Variants in PROK1 observed in about 807,000 individuals in gnomAD.
PROK1 encodes the protein prokineticin 1, also known as prokineticin-1.
Under a neutral mutation model 8.8 loss-of-function variants are expected in PROK1, and 10 were observed. The observed-to-expected ratio is 1.13, with a 90% CI of 0.70 to 1.92. The LOEUF (loss-of-function observed/expected upper bound fraction) is 1.92, where lower values mean the gene tolerates loss of function less well. Among genes scored for constraint, PROK1 ranks in the 30% most tolerant of loss-of-function variants. The pLI, the probability that PROK1 is intolerant of heterozygous loss-of-function variation, is 0.00. For synonymous variants in PROK1, 57 were observed against 56.0 expected (o/e 1.02, Z -0.08); for missense variants, 140 against 139.7 (o/e 1.00, Z -0.01).
intron 1 of PROK1, among the ~76,000 whole-genome samples, chr1:110,452,390 T>C (rs534030711): frequency 2.8e-4 from 42 of 152,314 alleles, no homozygotes; most frequent in African/African-American, 9.6e-4. Context: ...AATGAAGTGT[T>C]TACACTGTAG....
At position 110,451,247 on chromosome 1, in the gene PROK1, C is replaced by T. The variant is rs1664085301; in HGVS notation, c.31C>T (p.Leu11Phe). 4 of 1,614,176 alleles carry T rather than the reference C, an allele frequency of 2.5e-6. No individual in the cohort carries two copies. Among genetic ancestry groups the T allele is most frequent in the East Asian group, 4.5e-5 (2 of 44,890 alleles). ...AGGTGCCACGCGAGTCTCAATCATG[C>T]TCCTCCTAGTAACTGTGTCTGACTG... MRGATRVSIM[L>F]LLVTVSDCAV... The change falls in exon 1 of 3, where the codon CTC becomes TTC. Residue 11 changes from leucine (L) to phenylalanine (F), a missense_variant. Physicochemically the swap from Leu to Phe is conservative, Grantham distance 22 (BLOSUM62 0). Transcript: ENST00000271331.
rs559326098 is a variant in PROK1 at position 110,454,095 on chromosome 1, C to A, written c.198+9C>A. The A allele has an allele frequency of 1.2e-6, 2 of 1,613,046 alleles. No individual in the cohort carries two copies. The highest frequency in any genetic ancestry group is 1.7e-6 in the Non-Finnish European group (2 of 1,179,910). ...ACCCCGGCAGCCACAAGGTACTCTG[C>A]AGACACTGCATAGGTGCACATATGT... is the stretch of plus-strand genomic sequence containing the variant. On this transcript the variant is annotated intron_variant, in intron 2 of 2. Coordinates refer to ENST00000271331, the MANE Select transcript of PROK1 (RefSeq NM_032414.3).
Position 110,451,906 on chromosome 1 carries a change from GA to G in PROK1, c.72+619del, listed in dbSNP as rs755131582. On this transcript the variant is annotated intron_variant, in intron 1 of 2. Coordinates refer to ENST00000271331, the MANE Select transcript of PROK1 (RefSeq NM_032414.3). ...AAAGCAAGCATCCAGATAACAAGTA[GA>G]TATCCAGTCTCGAAGCAGAGAAGCA... Among the ~76,000 whole-genome samples the G allele has an allele frequency of 4.3e-3, 658 of 152,306 alleles. 5 individuals are homozygous for G. Among genetic ancestry groups the G allele is most frequent in the Middle Eastern group, 6.8e-3 (2 of 294 alleles).
At chr1:110,455,793 A>G (rs1664162712) in intron 2 of PROK1, among the ~76,000 whole-genome samples, 1 of 152,216 alleles carries the variant, frequency 6.6e-6, no homozygotes, top group Admixed American at 6.5e-5. Context: ...CTCCCTGAGG[A>G]TACCCCATTG....
rs890721039 is a variant in PROK1, at chr1:110,456,370, G to T, written c.*19G>T. On this transcript the variant is annotated 3_prime_UTR_variant, in exon 3 of 3. Transcript: ENST00000271331. ...TTTTTAGGCGCTTGCCTGGTCTCAGGATACCCACCATCCTTTTCCTGAGCA... is the reference window on the plus strand; with the variant it reads ...TTTTTAGGCGCTTGCCTGGTCTCAGTATACCCACCATCCTTTTCCTGAGCA... The T allele has an allele frequency of 1.2e-6, 2 of 1,613,398 alleles. No individual in the cohort carries two copies. The highest frequency in any genetic ancestry group is 1.7e-6 in the Non-Finnish European group (2 of 1,180,006).
chr1:110,452,019 C>G (rs906990524), intron 1 of PROK1, among the ~76,000 whole-genome samples: 6 of 152,330 alleles, frequency 3.9e-5, no homozygotes, highest in Admixed American at 3.3e-4. Context: ...CCTCAAACCA[C>G]CTTCAAATAG....
intron 1 of PROK1, among the ~76,000 whole-genome samples, chr1:110,453,719 G>T (rs1664125273): frequency 6.6e-6 from 1 of 152,190 alleles, no homozygotes; most frequent in Admixed American, 6.5e-5. Flanking sequence ...CTTCTGAGTG[G>T]CCTCCAGGAG....
At chr1:110,454,360 A>T (rs2101150116) in intron 2 of PROK1, among the ~76,000 whole-genome samples, 1 of 152,356 alleles carries the variant, frequency 6.6e-6, no homozygotes, top group South Asian at 2.1e-4. Flanking sequence ...TGCCCTGCAG[A>T]TGACACATTT....
At chr1:110,454,926 A>G (rs1006767662) in intron 2 of PROK1, among the ~76,000 whole-genome samples, 2 of 152,118 alleles carry the variant, frequency 1.3e-5, no homozygotes, top group Non-Finnish European at 2.9e-5. Context: ...TGAGGTGCCC[A>G]CTTTAAGAAG....
intron 1 of PROK1, among the ~76,000 whole-genome samples, chr1:110,452,028 A>G (rs1174983680): frequency 2.6e-5 from 4 of 152,186 alleles, no homozygotes; most frequent in Non-Finnish European, 4.4e-5. Flanking sequence ...ACCTTCAAAT[A>G]GGGGCACATG....
chr1:110,451,431 G>T (rs1664088249), intron 1 of PROK1, 143 bp downstream of exon 1: 2 of 751,124 alleles, frequency 2.7e-6, no homozygotes, highest in Non-Finnish European at 4.7e-6. Context: ...TGCATTAAAG[G>T]GATTGCATGC....
In PROK1 at chr1:110,456,284, T is replaced by G. The variant is rs569785372; in HGVS notation, c.251T>G (p.Leu84Arg). The G allele has an allele frequency of 9.9e-6, 16 of 1,614,056 alleles. No homozygotes were observed. Among genetic ancestry groups the G allele is most frequent in the East Asian group, 8.9e-5 (4 of 44,874 alleles). The change falls in exon 3 of 3, where the codon CTG becomes CGG. Residue 84 changes from leucine to arginine, a missense_variant. Coordinates refer to ENST00000271331, the MANE Select transcript of PROK1 (RefSeq NM_032414.3). ...KHHTCPCLPNLLCSRFPDGRY... is the reference protein window; with the variant it reads ...KHHTCPCLPNRLCSRFPDGRY... ...CACACCTGTCCTTGCTTGCCCAACC[T>G]GCTGTGCTCCAGGTTCCCGGACGGC...
chr1:110,453,907 C>G, intron 1 of PROK1, 54 bp from the exon 2 acceptor site: 1 of 1,612,594 alleles, frequency 6.2e-7, no homozygotes, highest in South Asian at 1.1e-5. Flanking sequence ...CCCTTCCCTT[C>G]TGCTTTCTCT....
rs750913372 is a variant in PROK1 at position 110,451,892 on chromosome 1, C to A, written c.72+604C>A. 4.3e-3 allele frequency among the ~76,000 whole-genome samples: 659 copies of A among 152,250 alleles called. 5 individuals carry two copies. Among genetic ancestry groups the A allele is most frequent in the Middle Eastern group, 6.8e-3 (2 of 294 alleles). ...GCTGAGTGTACCCCAAAGCAAGCAT[C>A]CAGATAACAAGTAGATATCCAGTCT... On this transcript the variant is annotated intron_variant, in intron 1 of 2. Coordinates refer to ENST00000271331, the MANE Select transcript of PROK1 (RefSeq NM_032414.3).
Position 110,451,266 on chromosome 1 carries a change from C to G in PROK1, c.50C>G (p.Ser17Cys). ...ATCATGCTCCTCCTAGTAACTGTGT[C>G]TGACTGTGCTGTGATCACAGGGGTA... ...VSIMLLLVTV[S>C]DCAVITGACE... Residue 17 changes from serine to cysteine, a missense_variant, in exon 1 of 3, where the codon TCT becomes TGT. By Grantham distance (112) the Ser-to-Cys change is moderately radical. Coordinates refer to ENST00000271331, the MANE Select transcript of PROK1 (RefSeq NM_032414.3). The G allele has an allele frequency of 6.2e-7, 1 of 1,614,146 alleles. No individual in the cohort carries two copies. Among genetic ancestry groups the G allele is most frequent in the African/African-American group, 1.3e-5 (1 of 75,052 alleles).
intron 2 of PROK1, 47 bp downstream of exon 2, chr1:110,454,133 C>A (rs565581756): frequency 1.3e-6 from 2 of 1,599,044 alleles, no homozygotes; most frequent in South Asian, 2.2e-5. Flanking sequence ...GTGGGCCATG[C>A]GGGGAGCAGA....
In PROK1 at chr1:110,451,245, T is replaced by TG. The variant is rs1283766105; in HGVS notation, c.30dup (p.Leu11AlafsTer8). 6.2e-7 allele frequency: 1 copy of TG among 1,614,090 alleles called. No homozygotes were observed. The highest frequency in any genetic ancestry group is 1.7e-5 in the Admixed American group (1 of 59,998). ...AGAGGTGCCACGCGAGTCTCAATCATGCTCCTCCTAGTAACTGTGTCTGAC... is the reference window on the plus strand; with the variant it reads ...AGAGGTGCCACGCGAGTCTCAATCATGGCTCCTCCTAGTAACTGTGTCTGAC... On this transcript the variant is annotated frameshift_variant, in exon 1 of 3. Coordinates refer to ENST00000271331, the MANE Select transcript of PROK1 (RefSeq NM_032414.3). LOFTEE classifies it high-confidence loss of function.
Position 110,456,488 on chromosome 1 carries a change from A to T in PROK1, c.*137A>T. On this transcript the variant is annotated 3_prime_UTR_variant, in exon 3 of 3. Transcript: ENST00000271331. Reference sequence around the variant, plus strand: ...CCCTGATCTCTCTTGTCTAGTACGCACATATGCACACAGGCAGACATACCT... The same window carrying T: ...CCCTGATCTCTCTTGTCTAGTACGCTCATATGCACACAGGCAGACATACCT... 1 of 1,055,616 alleles carries T rather than the reference A, an allele frequency of 9.5e-7. No homozygotes were observed. Among genetic ancestry groups the T allele is most frequent in the South Asian group, 1.3e-5 (1 of 75,920 alleles). The allele number at this position is 1,055,616 out of a possible 1,614,324, so 65.4% of individuals were successfully genotyped here.
rs199818265 is a variant in PROK1, at chr1:110,456,317, G to A, written c.284G>A (p.Arg95His). 88 of 1,613,878 alleles carry A rather than the reference G, an allele frequency of 5.5e-5. No homozygotes were observed. The highest frequency in any genetic ancestry group is 1.6e-4 in the East Asian group (7 of 44,884). ...TCCAGGTTCCCGGACGGCAGGTACC[G>A]CTGCTCCATGGACTTGAAGAACATC... ...LCSRFPDGRY[R>H]CSMDLKNINF is the part of the protein sequence containing the mutation. The change falls in exon 3 of 3, where the codon CGC becomes CAC. Residue 95 changes from arginine (R) to histidine (H), a missense_variant. By Grantham distance (29) the Arg-to-His change is conservative. Coordinates refer to ENST00000271331, the MANE Select transcript of PROK1 (RefSeq NM_032414.3).
Sources: allele counts gnomAD v4.1 joint callset (sites outside exome capture counted in the v4.1 genomes callset), GRCh38; gene constraint gnomAD v4.1.1; transcripts MANE v1.5; gene names NCBI Gene and HGNC (gene_info 2026-07-23, HGNC 2026-07-21).